Variants in CUTC observed in about 807,000 individuals in gnomAD.
The protein encoded by CUTC is copper homeostasis protein cutC homolog.
In CUTC, 27 loss-of-function variants were observed where a neutral mutation model predicts 36.2. The ratio of observed to expected loss-of-function variants is 0.75; its 90% CI spans 0.55 to 1.03. CUTC has a LOEUF of 1.03. Among genes scored for constraint, CUTC ranks in the 50% least tolerant of loss-of-function variants. The probability of loss-of-function intolerance (pLI) is 0.00; values close to 1 mark genes in which losing one functional copy is unlikely to be tolerated. For synonymous variants in CUTC, 114 were observed against 118.3 expected (o/e 0.96, Z 0.24); for missense variants, 315 against 343.5 (o/e 0.92, Z 0.66).
intron 3 of CUTC, among the ~76,000 whole-genome samples, chr10:99,741,280 T>G (rs982861621): frequency 6.6e-6 from 1 of 152,248 alleles, no homozygotes; most frequent in African/African-American, 2.4e-5. Flanking sequence ...GATTCTTCTG[T>G]GAACTCTACC....
chr10:99,733,964 G>A (rs950665313), intron 1 of CUTC, among the ~76,000 whole-genome samples: 1 of 152,156 alleles, frequency 6.6e-6, no homozygotes, highest in African/African-American at 2.4e-5. Context: ...CTGACAGCTG[G>A]TCTGGTAGCT....
chr10:99,756,039 T>G lies in CUTC; in HGVS notation c.*300T>G. 1 of 291,138 alleles carries G rather than the reference T, an allele frequency of 3.4e-6. No homozygotes were observed. The highest frequency in any genetic ancestry group is 9.7e-5 in the South Asian group (1 of 10,356). 18.0% of individuals were successfully genotyped at this position (291,138 alleles called of 1,614,324 possible). A position where few individuals can be genotyped will look rare whatever the true frequency, so the allele number is the denominator to read the frequency against. On this transcript the variant is annotated 3_prime_UTR_variant, in exon 9 of 9. Coordinates refer to ENST00000370476, the MANE Select transcript of CUTC (RefSeq NM_015960.3). ...AATTAATTGATGAACTGGGAAAATT[T>G]TAACTGCATGGTATGAATTCAGAGT...
chr10:99,737,284 T>TA (rs1022904716), intron 2 of CUTC, among the ~76,000 whole-genome samples: 1 of 151,320 alleles, frequency 6.6e-6, no homozygotes, highest in South Asian at 2.1e-4. Context: ...AAAAAAAAGT[T>TA]AAAAAAATCC....
chr10:99,752,133 C>T (rs1006296847), intron 7 of CUTC, among the ~76,000 whole-genome samples: 6 of 152,058 alleles, frequency 3.9e-5, no homozygotes, highest in Non-Finnish European at 7.4e-5. Flanking sequence ...GACTGACCAG[C>T]GTTCAAAATA....
chr10:99,754,742 A>T (rs1564658682), intron 8 of CUTC, 108 bp downstream of exon 8: 3 of 726,944 alleles, frequency 4.1e-6, no homozygotes, highest in Non-Finnish European at 7.2e-6. Flanking sequence ...GAATATTGTG[A>T]CTACTACATA....
rs1349258487 is a variant in CUTC at position 99,751,782 on chromosome 10, AAGG to A, written c.601+1390_601+1392del. ...CTGAGGCATGAGCATCACTTGAACCAAGGAGGCGGAGGTTGCAGTGTGCTGAGA... is the reference window on the plus strand; with the variant it reads ...CTGAGGCATGAGCATCACTTGAACCAAGGCGGAGGTTGCAGTGTGCTGAGA... On this transcript the variant is annotated intron_variant, in intron 7 of 8. Coordinates refer to ENST00000370476, the MANE Select transcript of CUTC (RefSeq NM_015960.3). Among the ~76,000 whole-genome samples the A allele has an allele frequency of 2.6e-5, 4 of 152,262 alleles. No individual in the cohort carries two copies. In the East Asian group the frequency reaches 7.8e-4, roughly 30 times the overall value.
chr10:99,749,305 C>T (rs1466752723), intron 6 of CUTC, among the ~76,000 whole-genome samples: 1 of 152,176 alleles, frequency 6.6e-6, no homozygotes, highest in Non-Finnish European at 1.5e-5. Flanking sequence ...CCATCCTAAA[C>T]CTCAGCTTTG....
At chr10:99,742,310 T>C (rs1397012427) in intron 3 of CUTC, among the ~76,000 whole-genome samples, 1 of 152,164 alleles carries the variant, frequency 6.6e-6, no homozygotes, top group Non-Finnish European at 1.5e-5. Flanking sequence ...TCCTAAGTTA[T>C]GCTACTCTGA....
rs781062722 is a variant in CUTC at position 99,739,754 on chromosome 10, A to T, written c.178A>T (p.Thr60Ser). ...ATGTTCTGGTTTATCAGAGGGGGGA[A>T]CTACACCCAGCATGGGTAAGTGTCC... ...ELCSGLSEGG[T>S]TPSMGVLQVV... The change falls in exon 3 of 9, where the codon ACT becomes TCT. Residue 60 changes from threonine (T) to serine (S), a missense_variant. Coordinates refer to ENST00000370476, the MANE Select transcript of CUTC (RefSeq NM_015960.3). 3.7e-6 allele frequency: 6 copies of T among 1,610,912 alleles called. No individual in the cohort carries two copies. In the East Asian group the frequency reaches 9.0e-5, roughly 24 times the overall value.
chr10:99,739,729 A>C lies in CUTC; in HGVS notation c.153A>C (p.Leu51Phe). 6.2e-7 allele frequency: 1 copy of C among 1,611,484 alleles called. No homozygotes were observed. The highest frequency in any genetic ancestry group is 8.5e-7 in the Non-Finnish European group (1 of 1,179,164). ...TTACAGGTGCTGATCGGATTGAATT[A>C]TGTTCTGGTTTATCAGAGGGGGGAA... ...AERGGADRIE[L>F]CSGLSEGGTT... The change falls in exon 3 of 9, where the codon TTA (leucine) becomes TTC (phenylalanine). Residue 51 changes from leucine to phenylalanine, a missense_variant. Coordinates refer to ENST00000370476, the MANE Select transcript of CUTC (RefSeq NM_015960.3).
rs527385824 is a variant in CUTC, at chr10:99,733,711, G to T, written c.61+1302G>T. On this transcript the variant is annotated intron_variant, in intron 1 of 8. Coordinates refer to ENST00000370476, the MANE Select transcript of CUTC (RefSeq NM_015960.3). ...AAAGTGTTAGAATTATTAAGAAAAC[G>T]GTTGTAGCCCTGCAGACTCTGAAAA... Among the ~76,000 whole-genome samples, 5 of 152,226 alleles carry T rather than the reference G, an allele frequency of 3.3e-5. No individual in the cohort carries two copies. In the South Asian group the frequency reaches 8.3e-4, roughly 25 times the overall value.
At chr10:99,742,455 T>C (rs1407762439) in intron 3 of CUTC, among the ~76,000 whole-genome samples, 1 of 152,218 alleles carries the variant, frequency 6.6e-6, no homozygotes, top group Non-Finnish European at 1.5e-5. Context: ...ACAGTCTGTT[T>C]TTGTAACACC....
chr10:99,751,200 T>C (rs1042289423), intron 7 of CUTC, among the ~76,000 whole-genome samples: 2 of 152,158 alleles, frequency 1.3e-5, no homozygotes, highest in African/African-American at 4.8e-5. Flanking sequence ...CTAAAAAGGG[T>C]GGGATGTTAC....
At chr10:99,740,291 AT>A (rs1197315316) in intron 3 of CUTC, among the ~76,000 whole-genome samples, 1 of 151,722 alleles carries the variant, frequency 6.6e-6, no homozygotes, top group Non-Finnish European at 1.5e-5. Flanking sequence ...TTTCATTTTC[AT>A]TCTGCCTGAA....
intron 7 of CUTC, among the ~76,000 whole-genome samples, chr10:99,754,007 C>T (rs1169323184): frequency 6.6e-6 from 1 of 152,112 alleles, no homozygotes; most frequent in Non-Finnish European, 1.5e-5. Context: ...TTTGGTGGTA[C>T]AGTTTTAATA....
At chr10:99,738,726 C>T (rs1366169012) in intron 2 of CUTC, among the ~76,000 whole-genome samples, 1 of 152,088 alleles carries the variant, frequency 6.6e-6, no homozygotes, top group Non-Finnish European at 1.5e-5. Flanking sequence ...TTATAGATAA[C>T]ATTATATACT....
At chr10:99,744,625 C>T (rs962032699) in intron 5 of CUTC, among the ~76,000 whole-genome samples, 1 of 152,036 alleles carries the variant, frequency 6.6e-6, no homozygotes, top group African/African-American at 2.4e-5. Context: ...ACTATCTAGT[C>T]AATGAACAGA....
intron 8 of CUTC, among the ~76,000 whole-genome samples, chr10:99,755,380 GAA>G (rs386372234): frequency 5.7e-5 from 7 of 121,994 alleles, no homozygotes; most frequent in South Asian, 5.0e-4. Flanking sequence ...ATTTAAAAAG[GAA>G]AAAAAAAAAA....
chr10:99,736,499 G>C (rs1462792740), intron 2 of CUTC, among the ~76,000 whole-genome samples, 182 bp downstream of exon 2: 1 of 152,128 alleles, frequency 6.6e-6, no homozygotes, highest in Non-Finnish European at 1.5e-5. Context: ...CCCCAAGTGG[G>C]TCACATTTTA....
Sources: allele counts gnomAD v4.1 joint callset (sites outside exome capture counted in the v4.1 genomes callset), GRCh38; gene constraint gnomAD v4.1.1; transcripts MANE v1.5; gene names NCBI Gene and HGNC (gene_info 2026-07-23, HGNC 2026-07-21).